Variants in MYOCD observed in about 807,000 individuals in gnomAD.
MYOCD encodes the protein myocardin.
MYOCD carries 32 observed loss-of-function variants against 96.1 expected under a neutral mutation model. The ratio of observed to expected loss-of-function variants is 0.33; its 90% CI spans 0.25 to 0.45. MYOCD has a LOEUF of 0.45. Among genes scored for constraint, MYOCD ranks in the 20% least tolerant of loss-of-function variants. The probability of loss-of-function intolerance (pLI) is 1.00; values close to 1 mark genes in which losing one functional copy is unlikely to be tolerated. For missense variants in MYOCD, 1,133 were observed against 1,200.6 expected, an observed-to-expected ratio of 0.94 and a Z score of 0.83; for synonymous variants, 469 against 469.0, an observed-to-expected ratio of 1.00 and a Z score of 0.00.
chr17:12,758,662 G>A (rs565842212), intron 12 of MYOCD, among the ~76,000 whole-genome samples: 50 of 152,220 alleles, frequency 3.3e-4, no homozygotes, highest in Non-Finnish European at 7.3e-5. Flanking sequence ...AAACACTGAC[G>A]GGTATTGAAG....
chr17:12,698,757 T>G (rs1025728615), intron 1 of MYOCD, among the ~76,000 whole-genome samples: 18 of 128,118 alleles, frequency 1.4e-4, no homozygotes, highest in South Asian at 5.2e-4. Context: ...TTTTTTTTTT[T>G]TGTGAGACAG....
intron 1 of MYOCD, among the ~76,000 whole-genome samples, chr17:12,675,237 A>AT (rs1321144409): frequency 1.3e-5 from 2 of 152,220 alleles, no homozygotes; most frequent in African/African-American, 4.8e-5. Flanking sequence ...TGTTGATAAT[A>AT]TCGAGTATTG....
At chr17:12,721,522 G>T (rs1597781257) in intron 4 of MYOCD, among the ~76,000 whole-genome samples, 2 of 151,986 alleles carry the variant, frequency 1.3e-5, no homozygotes, top group African/African-American at 4.8e-5. Flanking sequence ...TTCAAGGTGG[G>T]GAAAGGAAAT....
At chr17:12,698,729 C>CTTTTTTTT (rs55758881) in intron 1 of MYOCD, among the ~76,000 whole-genome samples, 2 of 64,082 alleles carry the variant, frequency 3.1e-5, no homozygotes, top group Non-Finnish European at 2.7e-5. Context: ...ACCAGACCCT[C>CTTTTTTTT]TTTTTTTTTT....
intron 6 of MYOCD, among the ~76,000 whole-genome samples, 168 bp from the exon 7 acceptor site, chr17:12,739,035 A>G (rs958549624): frequency 6.6e-6 from 1 of 152,256 alleles, no homozygotes; most frequent in Non-Finnish European, 1.5e-5. Flanking sequence ...ACACACATAT[A>G]TACACACATA....
rs767810774 is a variant in MYOCD, at chr17:12,752,873, A to G, written c.1585A>G (p.Asn529Asp). The change falls in exon 10 of 14, where the codon AAT becomes GAT. Residue 529 changes from asparagine to aspartate, a missense_variant. By Grantham distance (23) the Asn-to-Asp change is conservative. Coordinates refer to ENST00000425538, the MANE Select transcript of MYOCD (RefSeq NM_001146312.3). ...GCTGGTGGAGAAGCAGAAGGTGATC[A>G]ATGAACTCACCTGGAAACTCCAGCA... ...KMLVEKQKVI[N>D]ELTWKLQQEQ... The G allele has an allele frequency of 1.9e-6, 3 of 1,614,122 alleles. No individual in the cohort carries two copies. Among genetic ancestry groups the G allele is most frequent in the Non-Finnish European group, 2.5e-6 (3 of 1,180,012 alleles).
chr17:12,675,889 A>T (rs920031445), intron 1 of MYOCD, among the ~76,000 whole-genome samples: 5 of 152,214 alleles, frequency 3.3e-5, no homozygotes, highest in Non-Finnish European at 5.9e-5. Context: ...AATCATATTT[A>T]TATATAAGTA....
chr17:12,744,119 C>A, intron 7 of MYOCD, 64 bp from the exon 8 acceptor site: 1 of 1,567,730 alleles, frequency 6.4e-7, no homozygotes, highest in South Asian at 1.2e-5. Flanking sequence ...ACAACGTGTC[C>A]ATGATGCAAA....
chr17:12,735,476 A>G (rs2032314077), intron 5 of MYOCD, among the ~76,000 whole-genome samples: 1 of 152,146 alleles, frequency 6.6e-6, no homozygotes, highest in Non-Finnish European at 1.5e-5. Flanking sequence ...GAATTCCAAA[A>G]TAGACACAAA....
intron 4 of MYOCD, among the ~76,000 whole-genome samples, chr17:12,721,218 A>G (rs2031828981): frequency 6.6e-6 from 1 of 152,062 alleles, no homozygotes; most frequent in Non-Finnish European, 1.5e-5. Flanking sequence ...CAGGGTGTGA[A>G]CTGCACCAAC....
At chr17:12,678,726 C>T (rs1567568503) in intron 1 of MYOCD, among the ~76,000 whole-genome samples, 1 of 151,992 alleles carries the variant, frequency 6.6e-6, no homozygotes, top group South Asian at 2.1e-4. Flanking sequence ...GATGGAGTCT[C>T]ACTCTGTCAC....
chr17:12,759,549 G>A (rs1165407881), intron 12 of MYOCD, among the ~76,000 whole-genome samples: 1 of 152,206 alleles, frequency 6.6e-6, no homozygotes, highest in African/African-American at 2.4e-5. Context: ...TGGGCTCTCA[G>A]AGGAGTGAGA....
At chr17:12,691,542 A>C (rs78465189) in intron 1 of MYOCD, among the ~76,000 whole-genome samples, 4,581 of 152,190 alleles carry the variant, frequency 0.03, 179 homozygotes, top group Admixed American at 0.11. Flanking sequence ...GACACTATGG[A>C]CAGTGATTCT....
chr17:12,726,500 G>A (rs567800579), intron 5 of MYOCD, among the ~76,000 whole-genome samples: 1 of 152,234 alleles, frequency 6.6e-6, no homozygotes, highest in South Asian at 2.1e-4. Context: ...TCTCAACCTG[G>A]AAATGAACAC....
intron 12 of MYOCD, among the ~76,000 whole-genome samples, chr17:12,759,104 T>C (rs1297524207): frequency 6.6e-6 from 1 of 151,984 alleles, no homozygotes; most frequent in African/African-American, 2.4e-5. Context: ...TTTCAAATAG[T>C]CTGAGCTTGG....
intron 3 of MYOCD, 52 bp from the exon 4 acceptor site, chr17:12,717,294 T>G (rs376272243): frequency 1.7e-5 from 22 of 1,304,286 alleles, no homozygotes; most frequent in Non-Finnish European, 3.3e-6. Flanking sequence ...TGAGATAAAT[T>G]GAGTTTTTTA....
intron 7 of MYOCD, 146 bp from the exon 8 acceptor site, chr17:12,744,037 C>A: frequency 1.1e-6 from 1 of 919,172 alleles, no homozygotes; most frequent in Non-Finnish European, 1.6e-6. Context: ...GTCCTAGGAG[C>A]TCTTTGTACA....
intron 1 of MYOCD, among the ~76,000 whole-genome samples, chr17:12,684,870 G>A (rs372384299): frequency 6.0e-5 from 9 of 150,670 alleles, no homozygotes; most frequent in African/African-American, 1.9e-4. Context: ...AAAGAATTTC[G>A]CAATGGTGAT....
At position 12,705,199 on chromosome 17, in the gene MYOCD, T is replaced by TGG; in HGVS notation, c.121+6_121+7insGG. On this transcript the variant is annotated splice_region_variant and intron_variant, in intron 2 of 13. Coordinates refer to ENST00000425538, the MANE Select transcript of MYOCD (RefSeq NM_001146312.3). ...TAACCAAGGCATAATACCACGTGAG[T>TGG]ACCTGCATCTCTTAATTACTGATAT... 6.2e-7 allele frequency: 1 copy of TGG among 1,605,008 alleles called. No individual in the cohort carries two copies. The highest frequency in any genetic ancestry group is 8.5e-7 in the Non-Finnish European group (1 of 1,171,984).
Sources: allele counts gnomAD v4.1 joint callset (sites outside exome capture counted in the v4.1 genomes callset), GRCh38; gene constraint gnomAD v4.1.1; transcripts MANE v1.5; gene names NCBI Gene and HGNC (gene_info 2026-07-23, HGNC 2026-07-21).